The following FAT2 variants were observed in gnomAD, a reference collection of about 807,000 sequenced individuals.
FAT2 encodes the protein FAT atypical cadherin 2.
A neutral mutation model predicts 295.3 loss-of-function variants in FAT2; 150 were observed. The observed-to-expected ratio is 0.51, with a 90% confidence interval of 0.44 to 0.58. The LOEUF is 0.58. Ranked by LOEUF, FAT2 falls within the 20% of genes least tolerant of loss-of-function variation. The probability of loss-of-function intolerance (pLI) is 0.00; values close to 1 mark genes in which losing one functional copy is unlikely to be tolerated. For synonymous variants in FAT2, 2,026 were observed against 2,150.3 expected (o/e 0.94, Z 1.60); for missense variants, 4,868 against 5,442.7 (o/e 0.89, Z 3.32).
intron 6 of FAT2, among the ~76,000 whole-genome samples, chr5:151,552,532 G>A (rs1757312380): frequency 6.6e-6 from 1 of 152,066 alleles, no homozygotes; most frequent in Admixed American, 6.6e-5. Context: ...GGTTTCAAAG[G>A]GCCTATACAT....
chr5:151,542,224 C>T lies in FAT2; in HGVS notation c.8842+61G>A, dbSNP rs1033544641. 6 of 1,493,118 alleles carry T rather than the reference C, an allele frequency of 4.0e-6. No individual in the cohort carries two copies. In the African/African-American group the frequency reaches 5.6e-5, roughly 14 times the overall value. 92.5% of individuals were successfully genotyped at this position (1,493,118 alleles called of 1,614,324 possible). A position where few individuals can be genotyped will look rare whatever the true frequency, so the allele number is the denominator to read the frequency against. Reference sequence around the variant, plus strand: ...CAGGACATGAACCCATTTTAGGGCACCTCTTCCTGGATGTTTTTCGATACA... The same window carrying T: ...CAGGACATGAACCCATTTTAGGGCATCTCTTCCTGGATGTTTTTCGATACA... On this transcript the variant is annotated intron_variant, in intron 10 of 23. Transcript: ENST00000261800.
In FAT2 at chr5:151,563,367, T is replaced by A. The variant is rs1758109575; in HGVS notation, c.3532A>T (p.Ser1178Cys). The part of the protein sequence containing the change: ...SKGKLTFNIT[S>C]GNYMGFFMIH... The stretch of plus-strand genomic sequence containing the variant: ...ATAAAGAATCCCATGTAGTTCCCAC[T>A]GGTGATGTTGAAGGTCAGCTTCCCT... The change falls in exon 3 of 24, where the codon AGT becomes TGT. Residue 1178 changes from serine to cysteine, a missense_variant. Transcript: ENST00000261800. 1 of 1,614,078 alleles carries A rather than the reference T, an allele frequency of 6.2e-7. No homozygotes were observed. The highest frequency in any genetic ancestry group is 1.7e-5 in the Admixed American group (1 of 60,008).
upstream of FAT2, among the ~76,000 whole-genome samples, chr5:151,591,350 G>A (rs1759399844): frequency 6.6e-6 from 1 of 152,208 alleles, no homozygotes; most frequent in South Asian, 2.1e-4. Context: ...GGAGGAGGAG[G>A]AGGAGGAAAA....
chr5:151,532,110 A>G, intron 13 of FAT2, 140 bp from the exon 14 acceptor site: 1 of 1,117,132 alleles, frequency 9.0e-7, no homozygotes, highest in Non-Finnish European at 1.3e-6. Context: ...ATGAAGAGTG[A>G]GGGTCTCTCC....
chr5:151,511,869 AG>A, intron 21 of FAT2: 1 of 411,684 alleles, frequency 2.4e-6, no homozygotes, highest in Non-Finnish European at 4.4e-6. Flanking sequence ...GACTGTGCAT[AG>A]ACCAGTGATG....
At position 151,507,153 on chromosome 5, in the gene FAT2, C is replaced by G. The variant is rs1471692851; in HGVS notation, c.12517+1G>C. 6.4e-7 allele frequency: 1 copy of G among 1,574,364 alleles called. No homozygotes were observed. The highest frequency in any genetic ancestry group is 8.6e-7 in the Non-Finnish European group (1 of 1,158,992). ...GGCTAAGCGTCTCTGGCTATACTGA[C>G]CCATCTCCTCGCTGGACCAGGTTCT... On this transcript the variant is annotated splice_donor_variant, in intron 23 of 23. Coordinates refer to ENST00000261800, the MANE Select transcript of FAT2 (RefSeq NM_001447.3). LOFTEE classifies it high-confidence loss of function.
At position 151,545,471 on chromosome 5, in the gene FAT2, G is replaced by A. The variant is rs2127612230; in HGVS notation, c.5656C>T (p.His1886Tyr). Residue 1886 changes from histidine (H) to tyrosine (Y), a missense_variant, in exon 10 of 24, where the codon CAT (histidine) becomes TAT (tyrosine). His to Tyr is a moderately conservative substitution (Grantham distance 83). Coordinates refer to ENST00000261800, the MANE Select transcript of FAT2 (RefSeq NM_001447.3). Reference sequence around the variant, plus strand: ...ACCATGAGAAGCTCCATGCCTGGATGGATAGGCCCGACTATTGCTACCTCA... The same window carrying A: ...ACCATGAGAAGCTCCATGCCTGGATAGATAGGCCCGACTATTGCTACCTCA... Reference protein sequence around the residue: ...IYEVAIVGPIHPGMELLMVRA... With the variant: ...IYEVAIVGPIYPGMELLMVRA... 2 of 1,614,184 alleles carry A rather than the reference G, an allele frequency of 1.2e-6. No homozygotes were observed. The highest frequency in any genetic ancestry group is 1.7e-6 in the Non-Finnish European group (2 of 1,180,042).
intron 1 of FAT2, among the ~76,000 whole-genome samples, chr5:151,585,786 C>T (rs1417306016): frequency 6.6e-6 from 1 of 152,182 alleles, no homozygotes; most frequent in East Asian, 1.9e-4. Context: ...CTATAATTCT[C>T]TGAGTCAATT....
Position 151,546,281 on chromosome 5 carries a change from G to C in FAT2, c.4846C>G (p.Gln1616Glu), listed in dbSNP as rs371218309. 15 of 1,613,988 alleles carry C rather than the reference G, an allele frequency of 9.3e-6. No homozygotes were observed. In the African/African-American group the frequency reaches 2.0e-4, roughly 22 times the overall value. The change falls in exon 10 of 24, where the codon CAA becomes GAA. Residue 1616 changes from glutamine (Q) to glutamate (E), a missense_variant. By Grantham distance (29) the Gln-to-Glu change is conservative. This residue lies in a region of FAT2 where 3,297 missense variants were observed against 3,669.4 expected (regional missense o/e 0.90). Coordinates refer to ENST00000261800, the MANE Select transcript of FAT2 (RefSeq NM_001447.3). ...GCATGATTTGCCTGATCAAGCTTTT[G>C]AGCTAGAGTAATGATGCCTAGCAGG... ...NALLGIITLA[Q>E]KLDQANHAPH...
At chr5:151,587,331 A>G (rs1759218082) in intron 1 of FAT2, among the ~76,000 whole-genome samples, 2 of 151,794 alleles carry the variant, frequency 1.3e-5, no homozygotes, top group Non-Finnish European at 2.9e-5. Context: ...TGACACATAC[A>G]AAAAAGAGGT....
At position 151,557,249 on chromosome 5, in the gene FAT2, C is replaced by T. The variant is rs180901377; in HGVS notation, c.3575-847G>A. On this transcript the variant is annotated intron_variant, in intron 3 of 23. Transcript: ENST00000261800. Reference sequence around the variant, plus strand: ...ATTCCCTCTTCTTTCAATAAACAAACCCCAGTTCTCCTGAGGGGAAACCAG... The same window carrying T: ...ATTCCCTCTTCTTTCAATAAACAAATCCCAGTTCTCCTGAGGGGAAACCAG... 4.6e-5 allele frequency among the ~76,000 whole-genome samples: 7 copies of T among 152,234 alleles called. No homozygotes were observed. The East Asian group carries it at 1.3e-3, about 29-fold the overall frequency.
At position 151,546,097 on chromosome 5, in the gene FAT2, G is replaced by T. The variant is rs1246063009; in HGVS notation, c.5030C>A (p.Ser1677Tyr). The T allele has an allele frequency of 6.2e-7, 1 of 1,614,016 alleles. No individual in the cohort carries two copies. The highest frequency in any genetic ancestry group is 1.7e-5 in the Admixed American group (1 of 60,002). Residue 1677 changes from serine to tyrosine, a missense_variant, in exon 10 of 24, where the codon TCC becomes TAC. This residue lies in a region of FAT2 where 3,297 missense variants were observed against 3,669.4 expected (regional missense o/e 0.90). Transcript: ENST00000261800. The part of the protein sequence containing the change: ...VEIPESIPVG[S>Y]PILLVSAMSP... ...CATAGCAGAGACAAGGAGGATTGGG[G>T]AACCAACAGGGATTGATTCAGGGAT...
chr5:151,583,903 C>CA (rs1213326144), intron 1 of FAT2, among the ~76,000 whole-genome samples: 2 of 141,562 alleles, frequency 1.4e-5, no homozygotes, highest in Non-Finnish European at 3.0e-5. Context: ...GAGATTGAGG[C>CA]ACAAGAATCA....
rs2304054 is a variant in FAT2, at chr5:151,563,524, G to C, written c.3375C>G (p.Ile1125Met). The part of the protein sequence containing the change: ...VPLSSVTEVY[I>M]EVTDANDNPP... ...GGTTGTCATTGGCATCCGTAACCTC[G>C]ATGTAGACTTCAGTTACAGAAGAGA... The change falls in exon 3 of 24, where the codon ATC becomes ATG. Residue 1125 changes from isoleucine (I) to methionine (M), a missense_variant. This residue lies in a region of FAT2 where 3,297 missense variants were observed against 3,669.4 expected (regional missense o/e 0.90). Coordinates refer to ENST00000261800, the MANE Select transcript of FAT2 (RefSeq NM_001447.3). 2 of 1,613,800 alleles carry C rather than the reference G, an allele frequency of 1.2e-6. No individual in the cohort carries two copies. The highest frequency in any genetic ancestry group is 1.7e-6 in the Non-Finnish European group (2 of 1,179,932).
rs752995096 is a variant in FAT2 at position 151,566,872 on chromosome 5, A to T, written c.2060T>A (p.Ile687Asn). 4 of 1,614,178 alleles carry T rather than the reference A, an allele frequency of 2.5e-6. No homozygotes were observed. Among genetic ancestry groups the T allele is most frequent in the Non-Finnish European group, 3.4e-6 (4 of 1,180,024 alleles). Residue 687 changes from isoleucine to asparagine, a missense_variant, in exon 2 of 24, where the codon ATT becomes AAT. Transcript: ENST00000261800. ...TQFTKTILHF[I>N]GLQNQESSDE... ...ACTGGACTCCTGGTTCTGAAGCCCA[A>T]TAAAGTGGAGGATAGTCTTTGTGAA...
At chr5:151,554,791 A>G (rs915024444) in intron 4 of FAT2, 118 bp from the exon 5 acceptor site, 20 of 799,716 alleles carry the variant, frequency 2.5e-5, no homozygotes, top group Non-Finnish European at 3.3e-5. Flanking sequence ...ACTTTTTATT[A>G]TCATAACTTC....
intron 21 of FAT2, 175 bp from the exon 22 acceptor site, chr5:151,510,349 T>G: frequency 3.1e-6 from 2 of 647,014 alleles, no homozygotes; most frequent in Non-Finnish European, 5.2e-6. Context: ...CCAAGAGCAC[T>G]TTGGTCCCTG....
At chr5:151,532,078 G>A in intron 13 of FAT2, 108 bp from the exon 14 acceptor site, 1 of 1,433,878 alleles carries the variant, frequency 7.0e-7, no homozygotes, top group Admixed American at 2.1e-5. Context: ...TCCCATGAAG[G>A]CGGACAAGCT....
chr5:151,523,972 C>T (rs773353748), intron 18 of FAT2, among the ~76,000 whole-genome samples: 4 of 152,176 alleles, frequency 2.6e-5, no homozygotes, highest in Non-Finnish European at 4.4e-5. Context: ...TGCACATCCA[C>T]TCCACCAACT....
Sources: allele counts gnomAD v4.1 joint callset (sites outside exome capture counted in the v4.1 genomes callset), GRCh38; gene constraint gnomAD v4.1.1; regional missense constraint gnomAD v4.1.1; transcripts MANE v1.5; gene names NCBI Gene and HGNC (gene_info 2026-07-23, HGNC 2026-07-21).